The following FGGY variants were observed in gnomAD, a reference collection of about 807,000 sequenced individuals.
FGGY encodes FGGY carbohydrate kinase domain containing.
In FGGY, 72 loss-of-function variants were observed where a neutral mutation model predicts 71.3. That is an observed-to-expected ratio of 1.01 (90% CI 0.84 to 1.23). FGGY has a LOEUF of 1.23. FGGY is among the 50% of genes most tolerant of loss of function. The probability of loss-of-function intolerance (pLI) is 0.00; values close to 1 mark genes in which losing one functional copy is unlikely to be tolerated. For missense variants in FGGY, 668 were observed against 682.3 expected, an observed-to-expected ratio of 0.98 and a Z score of 0.23; for synonymous variants, 251 against 250.3, an observed-to-expected ratio of 1.00 and a Z score of -0.02.
At chr1:59,747,692 GT>G (rs1385669025) in intron 14 of FGGY, among the ~76,000 whole-genome samples, 4 of 152,126 alleles carry the variant, frequency 2.6e-5, no homozygotes, top group Non-Finnish European at 5.9e-5. Context: ...AATTTTGTTT[GT>G]TTCAATAATT....
At chr1:59,423,950 C>T (rs1289738347) in intron 5 of FGGY, among the ~76,000 whole-genome samples, 1 of 152,232 alleles carries the variant, frequency 6.6e-6, no homozygotes, top group Non-Finnish European at 1.5e-5. Flanking sequence ...GCCTGCCTCC[C>T]TCTCTAGGCT....
At chr1:59,370,152 G>A (rs1371733854) in intron 4 of FGGY, among the ~76,000 whole-genome samples, 2 of 151,568 alleles carry the variant, frequency 1.3e-5, no homozygotes, top group Non-Finnish European at 2.9e-5. Flanking sequence ...AGGCAAAGAA[G>A]TTAAAAACTT....
chr1:59,359,840 A>C (rs1444910945), intron 4 of FGGY, among the ~76,000 whole-genome samples: 1 of 152,190 alleles, frequency 6.6e-6, no homozygotes, highest in Non-Finnish European at 1.5e-5. Flanking sequence ...CTGAATGATC[A>C]GTGTCTTTTG....
intron 1 of FGGY, among the ~76,000 whole-genome samples, chr1:59,311,908 A>G (rs1297559231): frequency 6.6e-6 from 1 of 152,204 alleles, no homozygotes; most frequent in African/African-American, 2.4e-5. Flanking sequence ...CCTTGCCAGC[A>G]TCTATTGTTT....
At chr1:59,335,169 T>G (rs1372629849) in intron 2 of FGGY, among the ~76,000 whole-genome samples, 1 of 152,236 alleles carries the variant, frequency 6.6e-6, no homozygotes, top group Non-Finnish European at 1.5e-5. Flanking sequence ...AATCATCACC[T>G]ACTCCAGTTT....
At chr1:59,363,631 G>C (rs1306872637) in intron 4 of FGGY, among the ~76,000 whole-genome samples, 1 of 152,174 alleles carries the variant, frequency 6.6e-6, no homozygotes, top group African/African-American at 2.4e-5. Context: ...TCTACATAGA[G>C]TAGCATATTG....
intron 3 of FGGY, among the ~76,000 whole-genome samples, chr1:59,341,409 T>A (rs891251834): frequency 1.2e-4 from 19 of 152,200 alleles, no homozygotes; most frequent in African/African-American, 4.6e-4. Context: ...CTTTTCACTA[T>A]AAGTGATCAC....
chr1:59,721,064 T>C (rs1219028983), intron 14 of FGGY, among the ~76,000 whole-genome samples: 1 of 152,166 alleles, frequency 6.6e-6, no homozygotes, highest in African/African-American at 2.4e-5. Flanking sequence ...GGATCTCTGC[T>C]CAAATGTCAT....
chr1:59,533,104 C>G (rs2095200824), intron 7 of FGGY, among the ~76,000 whole-genome samples: 1 of 151,722 alleles, frequency 6.6e-6, no homozygotes, highest in Admixed American at 6.5e-5. Flanking sequence ...CGGGGTTCAT[C>G]TCACTAGGGA....
intron 14 of FGGY, among the ~76,000 whole-genome samples, chr1:59,727,355 G>A (rs751490844): frequency 7.9e-5 from 12 of 152,116 alleles, no homozygotes; most frequent in Non-Finnish European, 1.8e-4. Flanking sequence ...ATGAACATGC[G>A]AGTGCATGTG....
intron 7 of FGGY, among the ~76,000 whole-genome samples, chr1:59,537,403 A>G (rs1034212299): frequency 6.7e-4 from 102 of 152,278 alleles, no homozygotes; most frequent in African/African-American, 2.3e-3. Context: ...AATCAATATC[A>G]TGAAAATGGC....
At chr1:59,518,866 T>C (rs1392400429) in intron 7 of FGGY, among the ~76,000 whole-genome samples, 2 of 152,224 alleles carry the variant, frequency 1.3e-5, no homozygotes, top group Non-Finnish European at 2.9e-5. Flanking sequence ...TATTCCTTTA[T>C]AGCAATGCGA....
chr1:59,685,108 G>A (rs756845397), intron 14 of FGGY, among the ~76,000 whole-genome samples: 11 of 152,162 alleles, frequency 7.2e-5, no homozygotes, highest in Non-Finnish European at 1.2e-4. Flanking sequence ...TGCCCTCTGC[G>A]TATCCCCCAC....
chr1:59,421,964 G>T (rs1416129208), intron 5 of FGGY, among the ~76,000 whole-genome samples: 1 of 152,158 alleles, frequency 6.6e-6, no homozygotes, highest in Non-Finnish European at 1.5e-5. Context: ...CCCTTACTTT[G>T]TTACTTTGAT....
intron 6 of FGGY, among the ~76,000 whole-genome samples, chr1:59,462,287 C>T (rs562950790): frequency 1.3e-5 from 2 of 152,188 alleles, no homozygotes; most frequent in African/African-American, 2.4e-5. Context: ...CCCTTCCTTA[C>T]ACCTTATACA....
chr1:59,725,485 A>T (rs1311350035), intron 14 of FGGY, among the ~76,000 whole-genome samples: 2 of 152,106 alleles, frequency 1.3e-5, no homozygotes, highest in African/African-American at 4.8e-5. Context: ...AAATTTTAGA[A>T]TCATTTTATG....
rs376718343 is a variant in FGGY, at chr1:59,374,697, A to T, written c.466-4052A>T. 1.3e-3 allele frequency among the ~76,000 whole-genome samples: 195 copies of T among 152,258 alleles called. 4 individuals are homozygous for T. In the East Asian group the frequency reaches 0.031, roughly 25 times the overall value. Reference sequence around the variant, plus strand: ...AGACTGGATTAAGAAAATGTGGCACATATACACCATGGAATACTATGCAGC... The same window carrying T: ...AGACTGGATTAAGAAAATGTGGCACTTATACACCATGGAATACTATGCAGC... On this transcript the variant is annotated intron_variant, in intron 4 of 15. Coordinates refer to ENST00000303721, the MANE Select transcript of FGGY (RefSeq NM_018291.5).
At chr1:59,450,641 A>G (rs2072488445) in intron 5 of FGGY, among the ~76,000 whole-genome samples, 1 of 152,154 alleles carries the variant, frequency 6.6e-6, no homozygotes, top group African/African-American at 2.4e-5. Context: ...TGAAAGTACA[A>G]TCACATATTT....
intron 8 of FGGY, among the ~76,000 whole-genome samples, chr1:59,561,422 G>A (rs577547236): frequency 3.3e-5 from 5 of 152,282 alleles, no homozygotes; most frequent in African/African-American, 9.6e-5. Context: ...GGTTGATGTG[G>A]TTCAGTGGAC....
Sources: gnomAD v4.1 joint callset for allele counts (sites outside exome capture counted in the v4.1 genomes callset) on GRCh38, gnomAD v4.1.1 for gene constraint, MANE v1.5 for transcripts, NCBI Gene and HGNC (gene_info 2026-07-23, HGNC 2026-07-21) for gene names.